GAA: variants seen among roughly 807,000 people sequenced by gnomAD.
The protein encoded by GAA is alpha glucosidase.
In GAA, 88 loss-of-function variants were observed where a neutral mutation model predicts 103.9. The ratio of observed to expected loss-of-function variants is 0.85; its 90% CI spans 0.71 to 1.01. GAA has a LOEUF of 1.01. GAA is among the 50% of genes least tolerant of loss of function. The probability of loss-of-function intolerance (pLI) is 0.00; values close to 1 mark genes in which losing one functional copy is unlikely to be tolerated. For missense variants in GAA, 1,350 were observed against 1,305.3 expected (o/e 1.03, Z -0.53); for synonymous variants, 572 against 563.1 (o/e 1.02, Z -0.22).
rs1011631903 is a variant in GAA, at chr17:80,104,963, G to C, written c.377G>C (p.Trp126Ser). The change falls in exon 2 of 20, where the codon TGG (tryptophan) becomes TCG (serine). Residue 126 changes from tryptophan (W) to serine (S), a missense_variant. Trp to Ser is a radical substitution (Grantham distance 177). Coordinates refer to ENST00000302262, the MANE Select transcript of GAA (RefSeq NM_000152.5). This position sits in a 1 kb window ranked among gnomAD's most constrained non-coding sequence, Gnocchi z 4.0. ...CAGGGAGCCCAGATGGGGCAGCCCT[G>C]GTGCTTCTTCCCACCCAGCTACCCC... Reference protein sequence around the residue: ...GLQGAQMGQPWCFFPPSYPSY... With the variant: ...GLQGAQMGQPSCFFPPSYPSY... 5.0e-6 allele frequency: 8 copies of C among 1,612,552 alleles called. No individual in the cohort carries two copies. The highest frequency in any genetic ancestry group is 6.8e-6 in the Non-Finnish European group (8 of 1,179,874).
intron 15 of GAA, 138 bp downstream of exon 15, chr17:80,113,504 C>T: frequency 1.2e-6 from 1 of 808,604 alleles, no homozygotes; most frequent in Non-Finnish European, 1.9e-6. Context: ...ACATTTGGGC[C>T]TGGCTTAAGG....
Position 80,112,043 on chromosome 17 carries a change from C to G in GAA, c.1697C>G (p.Ser566Cys). 6.2e-7 allele frequency: 1 copy of G among 1,614,096 alleles called. No individual in the cohort carries two copies. The highest frequency in any genetic ancestry group is 1.3e-5 in the African/African-American group (1 of 75,056). ...TGTGCCTCCAGCCACCAGTTTCTCT[C>G]CACACACTACAACCTGCACAACCTC... ...TICASSHQFL[S>C]THYNLHNLYG... Residue 566 changes from serine to cysteine, a missense_variant, in exon 12 of 20, where the codon TCC becomes TGC. Coordinates refer to ENST00000302262, the MANE Select transcript of GAA (RefSeq NM_000152.5).
intron 15 of GAA, among the ~76,000 whole-genome samples, chr17:80,115,605 C>A (rs1006939861): frequency 1.3e-5 from 2 of 152,140 alleles, no homozygotes; most frequent in Non-Finnish European, 2.9e-5. Context: ...TAACTACTGT[C>A]CCCCCATCTG....
chr17:80,117,772 G>A (rs772154284), intron 17 of GAA, 23 bp downstream of exon 17: 1 of 1,595,638 alleles, frequency 6.3e-7, no homozygotes. Flanking sequence ...GGCGGCTATG[G>A]TGGGGGTGTG....
At chr17:80,106,506 C>T (rs2039092691) in intron 3 of GAA, among the ~76,000 whole-genome samples, 1 of 151,200 alleles carries the variant, frequency 6.6e-6, no homozygotes, top group Non-Finnish European at 1.5e-5. Flanking sequence ...TGGAAGCCAG[C>T]TGTGCAGGAG....
chr17:80,113,235 C>A lies in GAA; in HGVS notation c.2058C>A (p.Ser686Arg). ...SLLSLPQEPY[S>R]FSEPAQQAMR... Reference sequence around the variant, plus strand: ...CCCTGCAGCCCCAGGAGCCGTACAGCTTCAGCGAGCCGGCCCAGCAGGCCA... The same window carrying A: ...CCCTGCAGCCCCAGGAGCCGTACAGATTCAGCGAGCCGGCCCAGCAGGCCA... The change falls in exon 15 of 20, where the codon AGC becomes AGA. Residue 686 changes from serine (S) to arginine (R), a missense_variant. Transcript: ENST00000302262. 1 of 1,601,734 alleles carries A rather than the reference C, an allele frequency of 6.2e-7. No individual in the cohort carries two copies. The highest frequency in any genetic ancestry group is 8.5e-7 in the Non-Finnish European group (1 of 1,175,396).
chr17:80,105,205 CAAGG>C, intron 2 of GAA, 73 bp downstream of exon 2: 4 of 1,419,230 alleles, frequency 2.8e-6, no homozygotes, highest in South Asian at 1.3e-5. Context: ...ACGCACCTCA[CAAGG>C]GTGGGGTGCA....
rs557695694 is a variant in GAA at position 80,111,972 on chromosome 17, G to A, written c.1637-11G>A. On this transcript the variant is annotated splice_polypyrimidine_tract_variant and intron_variant, in intron 11 of 19. Coordinates refer to ENST00000302262, the MANE Select transcript of GAA (RefSeq NM_000152.5). ...GGAAGCTCCCTGGAAACCAGCCCCC[G>A]CCTCTTCCAGGGGTGGTTGGGGGGA... The A allele has an allele frequency of 5.0e-5, 81 of 1,609,988 alleles. No individual in the cohort carries two copies. Among genetic ancestry groups the A allele is most frequent in the Non-Finnish European group, 6.3e-5 (74 of 1,177,372 alleles).
At chr17:80,105,407 AG>A (rs1598571389) in intron 2 of GAA, among the ~76,000 whole-genome samples, 1 of 152,358 alleles carries the variant, frequency 6.6e-6, no homozygotes, top group East Asian at 1.9e-4. Flanking sequence ...GAATGAAAAC[AG>A]GATGCCCAGT....
chr17:80,110,667 G>A, intron 9 of GAA, 60 bp from the exon 10 acceptor site: 2 of 1,456,598 alleles, frequency 1.4e-6, no homozygotes, highest in South Asian at 2.3e-5. Flanking sequence ...GGCTCAGTGG[G>A]GCTTCCATGC....
intron 8 of GAA, among the ~76,000 whole-genome samples, 186 bp from the exon 9 acceptor site, chr17:80,109,759 C>T (rs1468901285): frequency 6.6e-6 from 1 of 152,270 alleles, no homozygotes; most frequent in East Asian, 1.9e-4. Flanking sequence ...CCAGCTGGTC[C>T]TGACTCGCCC....
intron 16 of GAA, among the ~76,000 whole-genome samples, chr17:80,117,339 C>T (rs183294342): frequency 2.4e-4 from 37 of 152,364 alleles, no homozygotes; most frequent in African/African-American, 8.9e-4. Context: ...CAGAACCTGG[C>T]CAAGTCCCAC....
chr17:80,111,053 G>A (rs375622658), intron 11 of GAA, 28 bp downstream of exon 11: 94 of 1,606,388 alleles, frequency 5.9e-5, no homozygotes, highest in Non-Finnish European at 1.3e-5. Flanking sequence ...CTACCCTGGG[G>A]ACTTAATCAA....
intron 11 of GAA, among the ~76,000 whole-genome samples, chr17:80,111,582 C>A (rs993384403): frequency 1.3e-5 from 2 of 152,098 alleles, no homozygotes; most frequent in Admixed American, 1.3e-4. Context: ...CTGGGTTTTA[C>A]AAGGAAGTAC....
At position 80,119,261 on chromosome 17, in the gene GAA, C is replaced by G. The variant is rs374571499; in HGVS notation, c.2800-11C>G. ...TCTCGGGCTGCTCCATTTGTGCTCT[C>G]TCTTTTCCAGGTCCTGGACATCTGT... On this transcript the variant is annotated splice_polypyrimidine_tract_variant and intron_variant, in intron 19 of 19. Coordinates refer to ENST00000302262, the MANE Select transcript of GAA (RefSeq NM_000152.5). 8.0e-5 allele frequency: 129 copies of G among 1,613,766 alleles called. 1 individual carries two copies. The Admixed American group carries it at 1.1e-3, about 13-fold the overall frequency.
At position 80,119,281 on chromosome 17, in the gene GAA, A is replaced by G. The variant is rs754589288; in HGVS notation, c.2809A>G (p.Ile937Val). 6.2e-7 allele frequency: 1 copy of G among 1,613,920 alleles called. No individual in the cohort carries two copies. The highest frequency in any genetic ancestry group is 8.5e-7 in the Non-Finnish European group (1 of 1,179,900). The change falls in exon 20 of 20, where the codon ATC (isoleucine) becomes GTC (valine). Residue 937 changes from isoleucine to valine, a missense_variant. Physicochemically the swap from Ile to Val is conservative, Grantham distance 29. Coordinates refer to ENST00000302262, the MANE Select transcript of GAA (RefSeq NM_000152.5). ...GCTCTCTCTTTTCCAGGTCCTGGAC[A>G]TCTGTGTCTCGCTGTTGATGGGAGA... ...TYSPDTKVLD[I>V]CVSLLMGEQF... is the part of the protein sequence containing the mutation.
chr17:80,116,339 A>C (rs898207240), intron 15 of GAA, among the ~76,000 whole-genome samples: 1 of 152,176 alleles, frequency 6.6e-6, no homozygotes, highest in African/African-American at 2.4e-5. Context: ...TACAAATAGA[A>C]ATAGGGCCTA....
chr17:80,103,223 C>T (rs1363601995), intron 1 of GAA, among the ~76,000 whole-genome samples: 3 of 152,248 alleles, frequency 2.0e-5, no homozygotes, highest in Non-Finnish European at 4.4e-5. Context: ...CTCCAAGGAG[C>T]TTCACTGGCC....
chr17:80,112,671 C>T lies in GAA; in HGVS notation c.1848C>T (p.Asp616=), dbSNP rs377175810. 115 of 1,611,940 alleles carry T rather than the reference C, an allele frequency of 7.1e-5. No individual in the cohort carries two copies. The East Asian group carries it at 1.7e-3, about 23-fold the overall frequency. ...HGRYAGHWTG[D]VWSSWEQLAS... Reference sequence around the variant, plus strand: ...GATACGCCGGCCACTGGACGGGGGACGTGTGGAGCTCCTGGGAGCAGCTCG... The same window carrying T: ...GATACGCCGGCCACTGGACGGGGGATGTGTGGAGCTCCTGGGAGCAGCTCG... The change falls in exon 13 of 20, where the codon GAC becomes GAT. Residue 616 remains aspartate (D), a synonymous_variant. Transcript: ENST00000302262.
Sources: allele counts gnomAD v4.1 joint callset (sites outside exome capture counted in the v4.1 genomes callset), GRCh38; gene constraint gnomAD v4.1.1; non-coding constraint Gnocchi (gnomAD v3.1); transcripts MANE v1.5; gene names NCBI Gene and HGNC (gene_info 2026-07-23, HGNC 2026-07-21).